Variants in CSDE1 observed in about 807,000 individuals in gnomAD.
CSDE1 encodes the protein cold shock domain-containing protein E1.
In CSDE1, 17 loss-of-function variants were observed where a neutral mutation model predicts 89.3. That is an observed-to-expected ratio of 0.19 (90% CI 0.13 to 0.29). CSDE1 has a LOEUF of 0.29. Among genes scored for constraint, CSDE1 ranks in the 10% least tolerant of loss-of-function variants. The pLI, the probability that CSDE1 is intolerant of heterozygous loss-of-function variation, is 1.00. For missense variants in CSDE1, 672 were observed against 984.2 expected, an observed-to-expected ratio of 0.68 and a Z score of 4.24; for synonymous variants, 322 against 332.8, an observed-to-expected ratio of 0.97 and a Z score of 0.35.
chr1:114,733,903 G>C, intron 8 of CSDE1, 46 bp from the exon 9 acceptor site: 2 of 1,608,346 alleles, frequency 1.2e-6, no homozygotes, highest in Non-Finnish European at 1.7e-6. Context: ...GAGGAAGGAA[G>C]AATCACATAA....
chr1:114,724,765 G>T (rs1240555119), intron 15 of CSDE1, among the ~76,000 whole-genome samples: 2 of 151,960 alleles, frequency 1.3e-5, no homozygotes, highest in Non-Finnish European at 2.9e-5. Flanking sequence ...CTGTCACCCA[G>T]GTTGGAGTGC....
At chr1:114,734,343 G>T in intron 7 of CSDE1, 99 bp downstream of exon 7, 1 of 1,174,794 alleles carries the variant, frequency 8.5e-7, no homozygotes, top group African/African-American at 1.6e-5. Flanking sequence ...ATTTTAAAAG[G>T]GTAAGATAAA....
At position 114,720,528 on chromosome 1, in the gene CSDE1, C is replaced by G; in HGVS notation, c.2052+11G>C. On this transcript the variant is annotated intron_variant, in intron 17 of 19. Coordinates refer to ENST00000358528, the MANE Select transcript of CSDE1 (RefSeq NM_001007553.3). ...AGGATCAAATTCAGATACAGAGATG[C>G]TGGCACTTACCTGATCTTTCACACA... The G allele has an allele frequency of 6.3e-7, 1 of 1,599,676 alleles. No individual in the cohort carries two copies. The highest frequency in any genetic ancestry group is 8.5e-7 in the Non-Finnish European group (1 of 1,170,608).
intron 16 of CSDE1, 146 bp downstream of exon 16, chr1:114,723,737 A>G (rs1359393103): frequency 9.0e-7 from 1 of 1,115,726 alleles, no homozygotes; most frequent in Non-Finnish European, 1.3e-6. Flanking sequence ...GTATAAAAAT[A>G]AAAAGCAAGC....
intron 1 of CSDE1, among the ~76,000 whole-genome samples, chr1:114,757,643 T>A (rs1187735688): frequency 6.6e-6 from 1 of 152,052 alleles, no homozygotes; most frequent in African/African-American, 2.4e-5. Flanking sequence ...GCCTCCATTT[T>A]CGCTCCCTCC....
In CSDE1 at chr1:114,726,202, A is replaced by G. The variant is rs746059970; in HGVS notation, c.1640+9T>C. ...GTTAGCTGTAAAGTTCCTGAAAGTC[A>G]CGCCTTACCTGTAATGGAAAAAGAT... On this transcript the variant is annotated intron_variant, in intron 14 of 19. Transcript: ENST00000358528. 3.2e-6 allele frequency: 5 copies of G among 1,586,542 alleles called. No homozygotes were observed. Among genetic ancestry groups the G allele is most frequent in the Non-Finnish European group, 2.6e-6 (3 of 1,168,230 alleles).
intron 17 of CSDE1, chr1:114,720,284 T>C (rs1177174698): frequency 1.0e-5 from 4 of 382,484 alleles, no homozygotes; most frequent in Non-Finnish European, 1.9e-5. Context: ...ATTCTGGAAA[T>C]CTCACCCCTA....
chr1:114,749,083 G>A (rs572889586), intron 2 of CSDE1, among the ~76,000 whole-genome samples: 1 of 152,202 alleles, frequency 6.6e-6, no homozygotes, highest in South Asian at 2.1e-4. Context: ...TGCTAATTCT[G>A]TTACCTCTAT....
chr1:114,730,760 A>G (rs1226932455), intron 10 of CSDE1, 112 bp from the exon 11 acceptor site: 11 of 1,233,090 alleles, frequency 8.9e-6, no homozygotes, highest in Non-Finnish European at 1.3e-5. Context: ...GATGTGACAC[A>G]AATACTGTAT....
Position 114,730,328 on chromosome 1 carries a change from A to C in CSDE1, c.1286T>G (p.Leu429Arg). Residue 429 changes from leucine (L) to arginine (R), a missense_variant, in exon 12 of 20, where the codon CTG becomes CGG. By Grantham distance (102) the Leu-to-Arg change is moderately radical. Around this residue, in one of 8 missense-constraint regions of CSDE1, gnomAD observed 108 missense variants for 105.0 expected, o/e 1.03. Coordinates refer to ENST00000358528, the MANE Select transcript of CSDE1 (RefSeq NM_001007553.3). Reference protein sequence around the residue: ...SFHSHSDHRFLGTVEKEATFS... With the variant: ...SFHSHSDHRFRGTVEKEATFS... Reference sequence around the variant, plus strand: ...AGTGGCTTCTTTTTCTACCGTGCCCAGAAAACGGTGATCTGAATGGGAATG... The same window carrying C: ...AGTGGCTTCTTTTTCTACCGTGCCCCGAAAACGGTGATCTGAATGGGAATG... 1 of 1,614,236 alleles carries C rather than the reference A, an allele frequency of 6.2e-7. No homozygotes were observed. The highest frequency in any genetic ancestry group is 8.5e-7 in the Non-Finnish European group (1 of 1,180,038).
chr1:114,748,993 C>T (rs1046444603), intron 2 of CSDE1, among the ~76,000 whole-genome samples: 1 of 152,158 alleles, frequency 6.6e-6, no homozygotes, highest in African/African-American at 2.4e-5. Context: ...TTTCATAACT[C>T]TCCCGCAAAA....
At chr1:114,753,228 G>GT (rs1432420675) in intron 1 of CSDE1, among the ~76,000 whole-genome samples, 3 of 152,098 alleles carry the variant, frequency 2.0e-5, no homozygotes, top group Admixed American at 6.5e-5. Context: ...CCAGGTTGTC[G>GT]TATCACATTA....
rs1396622855 is a variant in CSDE1, at chr1:114,732,773, G to A, written c.881C>T (p.Pro294Leu). 5 of 1,614,070 alleles carry A rather than the reference G, an allele frequency of 3.1e-6. No homozygotes were observed. The highest frequency in any genetic ancestry group is 4.2e-6 in the Non-Finnish European group (5 of 1,180,042). ...TTTGTCTCCAAAGGGAAGTTCTTTA[G>A]GGATCACAAAGTCAACTTTGATGCG... ...PGRIKVDFVIPKELPFGDKDT... is the reference protein window; with the variant it reads ...PGRIKVDFVILKELPFGDKDT... Residue 294 changes from proline (P) to leucine (L), a missense_variant, in exon 10 of 20, where the codon CCT becomes CTT. This residue lies in a region of CSDE1 where 169 missense variants were observed against 262.9 expected (regional missense o/e 0.64). Coordinates refer to ENST00000358528, the MANE Select transcript of CSDE1 (RefSeq NM_001007553.3).
At chr1:114,743,225 G>A (rs1660828407) in intron 2 of CSDE1, among the ~76,000 whole-genome samples, 1 of 151,930 alleles carries the variant, frequency 6.6e-6, no homozygotes, top group Non-Finnish European at 1.5e-5. Flanking sequence ...ATGGAGTCTC[G>A]CTGTCACCCA....
intron 16 of CSDE1, among the ~76,000 whole-genome samples, chr1:114,721,166 C>G (rs1050067180): frequency 1.3e-5 from 2 of 152,054 alleles, no homozygotes; most frequent in Non-Finnish European, 2.9e-5. Context: ...AATTTGACAC[C>G]CCACCTCCTT....
intron 1 of CSDE1, among the ~76,000 whole-genome samples, chr1:114,757,169 A>G (rs540298638): frequency 2.0e-5 from 3 of 152,310 alleles, no homozygotes; most frequent in African/African-American, 7.2e-5. Context: ...CCCTTTCTCA[A>G]GACGCCGAAG....
intron 18 of CSDE1, 159 bp from the exon 19 acceptor site, chr1:114,718,904 T>C: frequency 1.4e-6 from 1 of 736,618 alleles, no homozygotes; most frequent in Non-Finnish European, 2.2e-6. Flanking sequence ...ACAGACAAGT[T>C]TGTTTATGTA....
At chr1:114,739,610 T>G in intron 3 of CSDE1, 82 bp downstream of exon 3, 1 of 1,238,548 alleles carries the variant, frequency 8.1e-7, no homozygotes, top group Non-Finnish European at 1.2e-6. Flanking sequence ...ACATAAAACT[T>G]TTTGAAAAAC....
rs1171793132 is a variant in CSDE1, at chr1:114,726,334, C to G, written c.1517G>C (p.Cys506Ser). Residue 506 changes from cysteine (C) to serine (S), a missense_variant, in exon 14 of 20, where the codon TGT becomes TCT. By Grantham distance (112) the Cys-to-Ser change is moderately radical (BLOSUM62 -1). Coordinates refer to ENST00000358528, the MANE Select transcript of CSDE1 (RefSeq NM_001007553.3). ...AGAATTACGACCTAAAAGTCGCACACAAGTTGCAACCTGCTGTCCAGGCCT... is the reference window on the plus strand; with the variant it reads ...AGAATTACGACCTAAAAGTCGCACAGAAGTTGCAACCTGCTGTCCAGGCCT... ...KQRPGQQVAT[C>S]VRLLGRNSNS... 2.5e-6 allele frequency: 4 copies of G among 1,613,894 alleles called. No homozygotes were observed. The highest frequency in any genetic ancestry group is 3.4e-6 in the Non-Finnish European group (4 of 1,179,916).
Sources: allele counts gnomAD v4.1 joint callset (sites outside exome capture counted in the v4.1 genomes callset), GRCh38; gene constraint gnomAD v4.1.1; regional missense constraint gnomAD v4.1.1; transcripts MANE v1.5; gene names NCBI Gene and HGNC (gene_info 2026-07-23, HGNC 2026-07-21).